The following HMCES variants were observed in gnomAD, a reference collection of about 807,000 sequenced individuals.
HMCES encodes the protein abasic site processing protein HMCES.
HMCES carries 27 observed loss-of-function variants against 35.1 expected under a neutral mutation model. That is an observed-to-expected ratio of 0.77 (90% CI 0.57 to 1.06). The LOEUF (loss-of-function observed/expected upper bound fraction) is 1.06. Ranked by LOEUF, HMCES falls within the 50% of genes least tolerant of loss-of-function variation. The pLI is 0.00. For missense variants in HMCES, 391 were observed against 430.4 expected (o/e 0.91, Z 0.81); for synonymous variants, 130 against 154.7 (o/e 0.84, Z 1.18).
chr3:129,279,777 G>A lies in HMCES; in HGVS notation c.45G>A (p.Thr15=). Residue 15 remains threonine (T), a synonymous_variant, in exon 2 of 7, where the codon ACG becomes ACA. Coordinates refer to ENST00000383463, the MANE Select transcript of HMCES (RefSeq NM_020187.3). This position sits in a 1 kb window ranked among gnomAD's most constrained non-coding sequence, Gnocchi z 4.2. ...GTCACTTACCTAGAGATGTTCTCACGAGAGCTTGCGCCTACCAGGATCGGC... is the reference window on the plus strand; with the variant it reads ...GTCACTTACCTAGAGATGTTCTCACAAGAGCTTGCGCCTACCAGGATCGGC... ...TSCHLPRDVL[T]RACAYQDRRG... The A allele has an allele frequency of 6.2e-7, 1 of 1,613,494 alleles. No homozygotes were observed. Among genetic ancestry groups the A allele is most frequent in the African/African-American group, 1.3e-5 (1 of 75,042 alleles).
chr3:129,304,439 C>T, intron 6 of HMCES, 150 bp from the exon 7 acceptor site: 1 of 698,960 alleles, frequency 1.4e-6, no homozygotes, highest in Non-Finnish European at 2.5e-6. Context: ...TCTCTTTCCA[C>T]TCTTGACTGG....
At chr3:129,296,677 A>G (rs2071096853) in intron 4 of HMCES, among the ~76,000 whole-genome samples, 1 of 152,178 alleles carries the variant, frequency 6.6e-6, no homozygotes, top group Non-Finnish European at 1.5e-5. Context: ...AAATTCTTCT[A>G]TTAGGCCATT....
rs537995688 is a variant in HMCES at position 129,304,554 on chromosome 3, G to A, written c.829-35G>A. 2.6e-4 allele frequency: 409 copies of A among 1,573,064 alleles called. 1 individual carries two copies. In the South Asian group the frequency reaches 4.1e-3, roughly 16 times the overall value. Reference sequence around the variant, plus strand: ...ACTTGGCCTTTTCCCAAAAGCTTGAGCTGTATGGTTTGAGCTTTTTCCTCT... The same window carrying A: ...ACTTGGCCTTTTCCCAAAAGCTTGAACTGTATGGTTTGAGCTTTTTCCTCT... On this transcript the variant is annotated intron_variant, in intron 6 of 6. Transcript: ENST00000383463.
At chr3:129,284,226 G>A in intron 2 of HMCES, among the ~76,000 whole-genome samples, 1 of 152,132 alleles carries the variant, frequency 6.6e-6, no homozygotes, top group East Asian at 1.9e-4. Flanking sequence ...AGCCAGTTTA[G>A]TGCCATGTGT....
intron 4 of HMCES, among the ~76,000 whole-genome samples, chr3:129,293,686 GC>G (rs2071052869): frequency 6.7e-6 from 1 of 150,302 alleles, no homozygotes; most frequent in African/African-American, 2.5e-5. Flanking sequence ...TTCTGCCTCG[GC>G]CGCCTGAATA....
At chr3:129,302,309 C>T (rs1385541926) in intron 6 of HMCES, among the ~76,000 whole-genome samples, 167 bp downstream of exon 6, 1 of 151,944 alleles carries the variant, frequency 6.6e-6, no homozygotes, top group Non-Finnish European at 1.5e-5. Flanking sequence ...ATTCTCAAAC[C>T]TGGCTGTGAC....
At chr3:129,304,010 G>T (rs1356751010) in intron 6 of HMCES, among the ~76,000 whole-genome samples, 2 of 152,112 alleles carry the variant, frequency 1.3e-5, no homozygotes, top group Non-Finnish European at 2.9e-5. Context: ...CTCCCAAAGT[G>T]CTGGGATTAC....
intron 4 of HMCES, among the ~76,000 whole-genome samples, chr3:129,296,467 T>C (rs1207495653): frequency 1.3e-5 from 2 of 152,244 alleles, no homozygotes; most frequent in Non-Finnish European, 2.9e-5. Flanking sequence ...CACAAGAGTC[T>C]TTGACATTAA....
intron 5 of HMCES, among the ~76,000 whole-genome samples, chr3:129,299,804 G>A (rs186422807): frequency 4.0e-4 from 60 of 151,620 alleles, no homozygotes; most frequent in African/African-American, 1.1e-3. Context: ...GGCACACGCC[G>A]CCACGCCTGG....
At chr3:129,291,415 C>T (rs183859530) in intron 4 of HMCES, among the ~76,000 whole-genome samples, 1 of 152,326 alleles carries the variant, frequency 6.6e-6, no homozygotes, top group African/African-American at 2.4e-5. Context: ...CCCTGTCAAA[C>T]ACGAATCTAC....
intron 2 of HMCES, among the ~76,000 whole-genome samples, chr3:129,284,484 C>T (rs1475267554): frequency 6.6e-6 from 1 of 152,174 alleles, no homozygotes; most frequent in African/African-American, 2.4e-5. Context: ...ATGAAAGTGT[C>T]GTCACCAGAT....
chr3:129,302,014 A>G lies in HMCES; in HGVS notation c.700A>G (p.Thr234Ala). The change falls in exon 6 of 7, where the codon ACT becomes GCT. Residue 234 changes from threonine to alanine, a missense_variant. By Grantham distance (58) the Thr-to-Ala change is moderately conservative. Transcript: ENST00000383463. ...SKWLDFGEVS[T>A]QEALKLIHPT... ...ATGGCTTGACTTTGGTGAAGTCTCA[A>G]CTCAGGAAGCTCTGAAATTAATCCA... 1.2e-6 allele frequency: 2 copies of G among 1,614,176 alleles called. No homozygotes were observed. Among genetic ancestry groups the G allele is most frequent in the Non-Finnish European group, 1.7e-6 (2 of 1,180,020 alleles).
In HMCES at chr3:129,298,463, G is replaced by T; in HGVS notation, c.563G>T (p.Gly188Val). ...GIFDCWEPPE[G>V]GDVLYSYTII... ...TTTGACTGCTGGGAGCCCCCAGAGG[G>T]AGGAGATGTCCTGTATTCCTATACC... Residue 188 changes from glycine (G) to valine (V), a missense_variant, in exon 5 of 7, where the codon GGA (glycine) becomes GTA (valine). Gly to Val is a moderately radical substitution (Grantham distance 109). Transcript: ENST00000383463. 1 of 1,614,164 alleles carries T rather than the reference G, an allele frequency of 6.2e-7. No homozygotes were observed. Among genetic ancestry groups the T allele is most frequent in the Non-Finnish European group, 8.5e-7 (1 of 1,180,040 alleles).
At chr3:129,283,615 G>A (rs2107685806) in intron 2 of HMCES, among the ~76,000 whole-genome samples, 1 of 152,260 alleles carries the variant, frequency 6.6e-6, no homozygotes, top group African/African-American at 2.4e-5. Flanking sequence ...TGGATCGCTT[G>A]CAGTCGGGAG....
At chr3:129,290,428 T>A (rs1046571947) in intron 3 of HMCES, among the ~76,000 whole-genome samples, 3 of 151,834 alleles carry the variant, frequency 2.0e-5, no homozygotes, top group African/African-American at 7.3e-5. Flanking sequence ...GGACTACAGG[T>A]GTGCACTACC....
At chr3:129,292,908 A>G (rs1006376996) in intron 4 of HMCES, among the ~76,000 whole-genome samples, 2 of 152,190 alleles carry the variant, frequency 1.3e-5, no homozygotes, top group African/African-American at 4.8e-5. Context: ...TTCTGGGATT[A>G]GTAGGTGATT....
intron 4 of HMCES, among the ~76,000 whole-genome samples, chr3:129,294,557 C>A (rs76022317): frequency 0.018 from 2,695 of 152,310 alleles, 78 homozygotes; most frequent in East Asian, 0.11. Flanking sequence ...TCTCCCAGTT[C>A]CTCCTGTCTT....
chr3:129,305,022 C>T lies in HMCES; in HGVS notation c.*197C>T. The T allele has an allele frequency of 1.7e-6, 1 of 591,600 alleles. No homozygotes were observed. Among genetic ancestry groups the T allele is most frequent in the Non-Finnish European group, 3.0e-6 (1 of 333,808 alleles). The allele number at this position is 591,600 out of a possible 1,614,324, so 36.6% of individuals were successfully genotyped here. ...GGTGGACAGCTTTGGAAGAGGTGTC[C>T]TGCTGCTGTTACCAGCCATGTGGGC... On this transcript the variant is annotated 3_prime_UTR_variant, in exon 7 of 7. Coordinates refer to ENST00000383463, the MANE Select transcript of HMCES (RefSeq NM_020187.3).
chr3:129,302,241 T>C, intron 6 of HMCES, 99 bp downstream of exon 6: 2 of 1,057,492 alleles, frequency 1.9e-6, no homozygotes, highest in Non-Finnish European at 2.7e-6. Context: ...AGCCCTTTAA[T>C]TTGGACCATC....
Sources: allele counts gnomAD v4.1 joint callset (sites outside exome capture counted in the v4.1 genomes callset), GRCh38; gene constraint gnomAD v4.1.1; non-coding constraint Gnocchi (gnomAD v3.1); transcripts MANE v1.5; gene names NCBI Gene and HGNC (gene_info 2026-07-23, HGNC 2026-07-21).